FBXW8: variants seen among roughly 807,000 people sequenced by gnomAD.
FBXW8 encodes F-box and WD repeat domain containing 8, also known as F-box/WD repeat-containing protein 8.
FBXW8 carries 57 observed loss-of-function variants against 65.3 expected under a neutral mutation model. The ratio of observed to expected loss-of-function variants is 0.87; its 90% CI spans 0.71 to 1.09. FBXW8 has a LOEUF of 1.09. Among genes scored for constraint, FBXW8 ranks in the 50% least tolerant of loss-of-function variants. The probability of loss-of-function intolerance (pLI) is 0.00; values close to 1 mark genes in which losing one functional copy is unlikely to be tolerated. For synonymous variants in FBXW8, 308 were observed against 330.2 expected (o/e 0.93, Z 0.73); for missense variants, 777 against 814.8 (o/e 0.95, Z 0.57).
chr12:117,008,734 A>C (rs1953734594), intron 7 of FBXW8, among the ~76,000 whole-genome samples: 2 of 152,168 alleles, frequency 1.3e-5, no homozygotes, highest in Admixed American at 1.3e-4. Context: ...GTATAGGCTG[A>C]CAAGAAGAAA....
At chr12:117,017,290 A>G (rs1447298988) in intron 8 of FBXW8, among the ~76,000 whole-genome samples, 1 of 152,242 alleles carries the variant, frequency 6.6e-6, no homozygotes, top group African/African-American at 2.4e-5. Context: ...GACCTCTTCA[A>G]GACCATCTAA....
At chr12:116,975,066 A>G (rs1256413423) in intron 5 of FBXW8, among the ~76,000 whole-genome samples, 3 of 152,234 alleles carry the variant, frequency 2.0e-5, no homozygotes, top group East Asian at 1.9e-4. Flanking sequence ...GTATCAATAA[A>G]TACTTGAATA....
chr12:117,025,283 G>GTGAC (rs1303657697), intron 9 of FBXW8, among the ~76,000 whole-genome samples: 3 of 152,314 alleles, frequency 2.0e-5, no homozygotes, highest in African/African-American at 7.2e-5. Flanking sequence ...TGAGGCTGCA[G>GTGAC]TGACTGTGTC....
Position 116,988,733 on chromosome 12 carries a change from T to A in FBXW8, c.1103T>A (p.Met368Lys), listed in dbSNP as rs780466464. The A allele has an allele frequency of 6.2e-7, 1 of 1,614,034 alleles. No individual in the cohort carries two copies. The highest frequency in any genetic ancestry group is 1.3e-5 in the African/African-American group (1 of 74,898). Residue 368 changes from methionine to lysine, a missense_variant, in exon 7 of 11, where the codon ATG becomes AAG. Transcript: ENST00000652555. ...GCAGTAGCCGCTGCTGGAGATCTGATGTACCTGCTCAAAGCCGAAGACTCC... is the reference window on the plus strand; with the variant it reads ...GCAGTAGCCGCTGCTGGAGATCTGAAGTACCTGCTCAAAGCCGAAGACTCC... ...PVAVAAAGDL[M>K]YLLKAEDSAR...
chr12:117,015,659 C>G (rs1953933751), intron 8 of FBXW8, among the ~76,000 whole-genome samples: 1 of 152,174 alleles, frequency 6.6e-6, no homozygotes, highest in African/African-American at 2.4e-5. Context: ...GTGTTTTCCC[C>G]CATGGTCTCA....
At chr12:116,999,652 G>A (rs1396968896) in intron 7 of FBXW8, among the ~76,000 whole-genome samples, 1 of 152,088 alleles carries the variant, frequency 6.6e-6, no homozygotes, top group African/African-American at 2.4e-5. Flanking sequence ...CACTGGCTGC[G>A]TGGCGAGGAG....
In FBXW8 at chr12:116,964,773, G is replaced by A. The variant is rs774093429; in HGVS notation, c.754G>A (p.Glu252Lys). The change falls in exon 5 of 11, where the codon GAG becomes AAG. Residue 252 changes from glutamate (E) to lysine (K), a missense_variant. Transcript: ENST00000652555. The stretch of plus-strand genomic sequence containing the variant: ...AGCCCCCTTCCTGGAATCAGAGGAC[G>A]AGGAGGATGAGCCTGGAATGCAGCC... Reference protein sequence around the residue: ...YVAPFLESEDEEDEPGMQPNV... With the variant: ...YVAPFLESEDKEDEPGMQPNV... 7 of 1,613,506 alleles carry A rather than the reference G, an allele frequency of 4.3e-6. No individual in the cohort carries two copies. Among genetic ancestry groups the A allele is most frequent in the South Asian group, 1.1e-5 (1 of 91,042 alleles).
intron 1 of FBXW8, among the ~76,000 whole-genome samples, chr12:116,912,175 T>G (rs1219158716): frequency 7.4e-6 from 1 of 134,408 alleles, no homozygotes; most frequent in Non-Finnish European, 1.5e-5. Context: ...TTTCCTGTTT[T>G]TTTTTTTTTT....
chr12:116,912,053 T>C (rs1879990473), intron 1 of FBXW8, among the ~76,000 whole-genome samples: 1 of 152,032 alleles, frequency 6.6e-6, no homozygotes, highest in African/African-American at 2.4e-5. Flanking sequence ...ACACCTGAAA[T>C]GCATCCGTGG....
chr12:116,970,111 C>T (rs1211509252), intron 5 of FBXW8, among the ~76,000 whole-genome samples: 1 of 152,218 alleles, frequency 6.6e-6, no homozygotes, highest in Non-Finnish European at 1.5e-5. Context: ...TCCGTGCTTG[C>T]CTGCCTTTGG....
chr12:117,011,952 G>A (rs1953829017), intron 8 of FBXW8, among the ~76,000 whole-genome samples: 1 of 152,208 alleles, frequency 6.6e-6, no homozygotes, highest in Admixed American at 6.5e-5. Flanking sequence ...GAAGCGATGT[G>A]TAGGCATTGT....
chr12:116,993,905 T>C (rs1200747152), intron 7 of FBXW8, among the ~76,000 whole-genome samples: 1 of 152,228 alleles, frequency 6.6e-6, no homozygotes, highest in Non-Finnish European at 1.5e-5. Flanking sequence ...AATTTTTATA[T>C]ATGGTGAGAG....
chr12:116,944,167 A>T (rs1882780143), intron 2 of FBXW8, among the ~76,000 whole-genome samples: 1 of 152,214 alleles, frequency 6.6e-6, no homozygotes, highest in African/African-American at 2.4e-5. Context: ...CACTGTTCTT[A>T]CTGAGATTTA....
chr12:116,930,882 A>T (rs1881716152), intron 2 of FBXW8, among the ~76,000 whole-genome samples: 2 of 152,186 alleles, frequency 1.3e-5, no homozygotes, highest in Non-Finnish European at 2.9e-5. Context: ...ATCGTAGCTC[A>T]CTGTAGCCTC....
At chr12:116,925,682 A>C (rs911394067) in intron 1 of FBXW8, among the ~76,000 whole-genome samples, 2 of 152,188 alleles carry the variant, frequency 1.3e-5, no homozygotes, top group Non-Finnish European at 2.9e-5. Flanking sequence ...AATGTCGTTT[A>C]CAAAATTACA....
intron 9 of FBXW8, 114 bp downstream of exon 9, chr12:117,024,434 G>A: frequency 8.1e-7 from 1 of 1,232,470 alleles, no homozygotes; most frequent in Non-Finnish European, 1.1e-6. Context: ...GCTTCGCCAG[G>A]TGAATCCTTA....
chr12:116,978,768 G>T (rs1178890489), intron 5 of FBXW8: 1 of 152,152 alleles, frequency 6.6e-6, no homozygotes, highest in East Asian at 1.9e-4. Flanking sequence ...AAATTTTGTG[G>T]TGCATGGAAA....
chr12:116,946,113 G>A (rs987029459), intron 3 of FBXW8, among the ~76,000 whole-genome samples: 2 of 152,190 alleles, frequency 1.3e-5, no homozygotes, highest in Non-Finnish European at 2.9e-5. Flanking sequence ...AGCTGTTTGA[G>A]GCATGACGAG....
intron 5 of FBXW8, among the ~76,000 whole-genome samples, chr12:116,974,020 A>G (rs1425143324): frequency 6.6e-6 from 1 of 152,212 alleles, no homozygotes; most frequent in Admixed American, 6.5e-5. Context: ...CTCTTGGAGG[A>G]GAACAAACAT....
Sources: gnomAD v4.1 joint callset for allele counts (sites outside exome capture counted in the v4.1 genomes callset) on GRCh38, gnomAD v4.1.1 for gene constraint, MANE v1.5 for transcripts, NCBI Gene and HGNC (gene_info 2026-07-23, HGNC 2026-07-21) for gene names.